The following RAI14 variants were observed in gnomAD, a reference collection of about 807,000 sequenced individuals.
RAI14 encodes the protein ankycorbin.
Under a neutral mutation model 115.4 loss-of-function variants are expected in RAI14, and 45 were observed. That is an observed-to-expected ratio of 0.39 (90% CI 0.31 to 0.50). The LOEUF is 0.50. Among genes scored for constraint, RAI14 ranks in the 20% least tolerant of loss-of-function variants. RAI14 has a pLI of 0.85. For synonymous variants in RAI14, 371 were observed against 415.4 expected (o/e 0.89, Z 1.30); for missense variants, 939 against 1,131.2 (o/e 0.83, Z 2.44).
chr5:34,688,227 GCT>G (rs1342262280), intron 2 of RAI14: 3 of 1,551,372 alleles, frequency 1.9e-6, no homozygotes, highest in African/African-American at 1.4e-5. Flanking sequence ...ATCTCCCGTG[GCT>G]TTCAGCTAAG....
intron 2 of RAI14, among the ~76,000 whole-genome samples, chr5:34,694,522 T>C (rs1352922348): frequency 6.6e-6 from 1 of 152,226 alleles, no homozygotes; most frequent in Non-Finnish European, 1.5e-5. Context: ...CAGTGTGTCC[T>C]GGTCAACTTG....
At chr5:34,773,064 T>A (rs528905546) in intron 3 of RAI14, among the ~76,000 whole-genome samples, 1 of 152,310 alleles carries the variant, frequency 6.6e-6, no homozygotes, top group African/African-American at 2.4e-5. Context: ...AAACAGCAGA[T>A]TCCTTTATTT....
chr5:34,697,436 C>CAAAAAA (rs1214679104), intron 2 of RAI14, among the ~76,000 whole-genome samples: 1 of 64,316 alleles, frequency 1.6e-5, no homozygotes, highest in African/African-American at 5.7e-5. Context: ...AACTCTGTCT[C>CAAAAAA]AAAAAAAAAA....
rs187315498 is a variant in RAI14 at position 34,696,369 on chromosome 5, C to T, written c.36+9414C>T. On this transcript the variant is annotated intron_variant, in intron 2 of 17. Coordinates refer to ENST00000265109, the MANE Select transcript of RAI14 (RefSeq NM_015577.3). ...GCCAGGATGGTCTCGATCTCCTGACCTCATGATCCACCCGCCTCAGCCTCC... is the reference window on the plus strand; with the variant it reads ...GCCAGGATGGTCTCGATCTCCTGACTTCATGATCCACCCGCCTCAGCCTCC... Among the ~76,000 whole-genome samples the T allele has an allele frequency of 6.7e-3, 1,019 of 152,154 alleles. 11 individuals are homozygous for T. Among genetic ancestry groups the T allele is most frequent in the African/African-American group, 0.022 (927 of 41,512 alleles).
At chr5:34,768,094 T>A (rs1749654926) in intron 3 of RAI14, among the ~76,000 whole-genome samples, 1 of 152,030 alleles carries the variant, frequency 6.6e-6, no homozygotes, top group Non-Finnish European at 1.5e-5. Flanking sequence ...TGAGAGCAGC[T>A]GGGTGGGAGG....
intron 2 of RAI14, among the ~76,000 whole-genome samples, chr5:34,727,841 C>G (rs1743664682): frequency 6.6e-6 from 1 of 152,170 alleles, no homozygotes; most frequent in South Asian, 2.1e-4. Context: ...CATGGAGAAC[C>G]TCTGCTAGGG....
intron 3 of RAI14, among the ~76,000 whole-genome samples, chr5:34,781,703 C>T (rs548149999): frequency 3.3e-5 from 5 of 152,320 alleles, no homozygotes; most frequent in Non-Finnish European, 7.3e-5. Context: ...GAAAGTTCAA[C>T]GTAGTTGCCA....
intron 3 of RAI14, among the ~76,000 whole-genome samples, chr5:34,774,197 A>G (rs1750547246): frequency 6.6e-6 from 1 of 151,820 alleles, no homozygotes; most frequent in Non-Finnish European, 1.5e-5. Flanking sequence ...TACTTAAAAA[A>G]AAAAAAAATA....
chr5:34,779,228 T>C (rs1751289760), intron 3 of RAI14, among the ~76,000 whole-genome samples: 2 of 152,234 alleles, frequency 1.3e-5, no homozygotes, highest in South Asian at 2.1e-4. Flanking sequence ...TATCTCAAAA[T>C]AATAAGAGCT....
At chr5:34,755,440 C>T (rs568980522) in intron 2 of RAI14, among the ~76,000 whole-genome samples, 4 of 152,226 alleles carry the variant, frequency 2.6e-5, no homozygotes, top group Non-Finnish European at 5.9e-5. Context: ...CGTGAAGTCT[C>T]GAGGTTAAAA....
chr5:34,796,385 G>A (rs546526268), intron 4 of RAI14, among the ~76,000 whole-genome samples: 9 of 138,372 alleles, frequency 6.5e-5, no homozygotes, highest in African/African-American at 8.4e-5. Context: ...GCAACAGAGC[G>A]AGACTCTGTC....
Position 34,831,063 on chromosome 5 carries a change from T to G in RAI14, c.*298T>G. 2 of 329,488 alleles carry G rather than the reference T, an allele frequency of 6.1e-6. No homozygotes were observed. The highest frequency in any genetic ancestry group is 1.3e-4 in the East Asian group (2 of 15,136). The allele number at this position is 329,488 out of a possible 1,614,324, so 20.4% of individuals were successfully genotyped here. A position where few individuals can be genotyped will look rare whatever the true frequency, so the allele number is the denominator to read the frequency against. On this transcript the variant is annotated 3_prime_UTR_variant, in exon 18 of 18. Transcript: ENST00000265109. ...GCTGGCAGGGGGGCCCCCTCCTCCATCCCTGACTGGCTGAGTGGCTTTATC... is the reference window on the plus strand; with the variant it reads ...GCTGGCAGGGGGGCCCCCTCCTCCAGCCCTGACTGGCTGAGTGGCTTTATC...
At position 34,794,199 on chromosome 5, in the gene RAI14, G is replaced by A. The variant is rs371807909; in HGVS notation, c.168-1740G>A. 1.3e-3 allele frequency among the ~76,000 whole-genome samples: 203 copies of A among 152,260 alleles called. 7 individuals are homozygous for A. The South Asian group carries it at 0.041, about 30-fold the overall frequency. ...GCACTTTGGGAGACTGAGGTGTGTG[G>A]ATCACATGAGGTCAGGAGTTTGAGA... On this transcript the variant is annotated intron_variant, in intron 3 of 17. Transcript: ENST00000265109.
In RAI14 at chr5:34,823,988, C is replaced by T. The variant is rs1272807699; in HGVS notation, c.2146C>T (p.Leu716Phe). Residue 716 changes from leucine (L) to phenylalanine (F), a missense_variant, in exon 15 of 18, where the codon CTC becomes TTC. By Grantham distance (22) the Leu-to-Phe change is conservative. Transcript: ENST00000265109. The surrounding 1 kb of genome is among the most constrained non-coding windows in gnomAD (Gnocchi z 4.5). ...AAAAGTGTTGAATGAGTTGACCCAG[C>T]TCAAACAACTGGTGGATGCACAAAA... ...YSKVLNELTQ[L>F]KQLVDAQKEN... The T allele has an allele frequency of 4.3e-6, 7 of 1,613,864 alleles. No homozygotes were observed. The highest frequency in any genetic ancestry group is 1.3e-5 in the African/African-American group (1 of 74,946).
chr5:34,779,111 A>C (rs1751276073), intron 3 of RAI14, among the ~76,000 whole-genome samples: 1 of 152,246 alleles, frequency 6.6e-6, no homozygotes, highest in South Asian at 2.1e-4. Flanking sequence ...AAACAGAACC[A>C]AGGACAAAAA....
At chr5:34,781,328 A>G (rs1041448784) in intron 3 of RAI14, among the ~76,000 whole-genome samples, 1 of 152,148 alleles carries the variant, frequency 6.6e-6, no homozygotes, top group African/African-American at 2.4e-5. Flanking sequence ...ATATGTAACA[A>G]ACCTTGTGCA....
At chr5:34,753,912 CAA>C (rs34458773) in intron 2 of RAI14, among the ~76,000 whole-genome samples, 36 of 117,210 alleles carry the variant, frequency 3.1e-4, no homozygotes, top group Middle Eastern at 5.2e-3. Context: ...GACTCTATCT[CAA>C]AAAAAAAAAA....
intron 17 of RAI14, among the ~76,000 whole-genome samples, chr5:34,830,138 C>T (rs901750445): frequency 6.6e-6 from 1 of 152,150 alleles, no homozygotes; most frequent in African/African-American, 2.4e-5. Flanking sequence ...GTACCCACCA[C>T]CGTACCTGGC....
chr5:34,708,528 C>T (rs1741009903), intron 2 of RAI14, among the ~76,000 whole-genome samples: 1 of 152,082 alleles, frequency 6.6e-6, no homozygotes, highest in Non-Finnish European at 1.5e-5. Context: ...AAGAAGTCTG[C>T]AGAGTTCTGA....
Sources: allele counts gnomAD v4.1 joint callset (sites outside exome capture counted in the v4.1 genomes callset), GRCh38; gene constraint gnomAD v4.1.1; non-coding constraint Gnocchi (gnomAD v3.1); transcripts MANE v1.5; gene names NCBI Gene and HGNC (gene_info 2026-07-23, HGNC 2026-07-21).